MPV17: variants seen among roughly 807,000 people sequenced by gnomAD.
MPV17 encodes MPV17, mitochondrial inner membrane protein.
In MPV17, 31 loss-of-function variants were observed where a neutral mutation model predicts 28.6. The ratio of observed to expected loss-of-function variants is 1.08; its 90% confidence interval spans 0.81 to 1.46. The LOEUF (loss-of-function observed/expected upper bound fraction) is 1.46. Ranked by LOEUF, MPV17 falls within the 40% of genes most tolerant of loss-of-function variation. The probability of loss-of-function intolerance (pLI) is 0.00; values close to 1 mark genes in which losing one functional copy is unlikely to be tolerated. For synonymous variants in MPV17, 87 were observed against 85.3 expected (o/e 1.02, Z -0.11); for missense variants, 198 against 216.2 (o/e 0.92, Z 0.53).
chr2:27,315,919 G>T, intron 2 of MPV17: 1 of 1,441,608 alleles, frequency 6.9e-7, no homozygotes, highest in Non-Finnish European at 9.1e-7. Flanking sequence ...AAGGAGTGCA[G>T]TTGGAACTGA....
At chr2:27,314,436 C>T (rs1201501259) in intron 2 of MPV17, among the ~76,000 whole-genome samples, 2 of 152,180 alleles carry the variant, frequency 1.3e-5, no homozygotes, top group East Asian at 3.8e-4. Context: ...CCTCTTAGCA[C>T]AATCAGCTAA....
chr2:27,320,364 T>C (rs1181745047), intron 2 of MPV17, among the ~76,000 whole-genome samples: 1 of 151,818 alleles, frequency 6.6e-6, no homozygotes, highest in African/African-American at 2.4e-5. Context: ...GAGATGGAGT[T>C]TCGCTCTTGT....
At chr2:27,314,104 T>C (rs1421461727) in intron 2 of MPV17, among the ~76,000 whole-genome samples, 1 of 152,164 alleles carries the variant, frequency 6.6e-6, no homozygotes, top group African/African-American at 2.4e-5. Context: ...GCAGGAGGAT[T>C]GCTTGAGCCC....
chr2:27,309,619 G>A lies in MPV17; in HGVS notation c.*293C>T. 1 of 591,824 alleles carries A rather than the reference G, an allele frequency of 1.7e-6. No homozygotes were observed. The highest frequency in any genetic ancestry group is 2.0e-5 in the South Asian group (1 of 49,688). 36.7% of individuals were successfully genotyped at this position (591,824 alleles called of 1,614,324 possible). On this transcript the variant is annotated 3_prime_UTR_variant, in exon 8 of 8. Transcript: ENST00000380044. ...GTAACAAATGTGTCTATGAAGAGTG[G>A]GGATGAGTGGCATTTGCTGGGATAT...
At position 27,309,804 on chromosome 2, in the gene MPV17, G is replaced by C. The variant is rs181227313; in HGVS notation, c.*108C>G. 1.1e-6 allele frequency: 1 copy of C among 881,350 alleles called. No homozygotes were observed. The highest frequency in any genetic ancestry group is 1.9e-6 in the Non-Finnish European group (1 of 528,076). The allele number at this position is 881,350 out of a possible 1,614,324, so 54.6% of individuals were successfully genotyped here. A position where few individuals can be genotyped will look rare whatever the true frequency, so the allele number is the denominator to read the frequency against. On this transcript the variant is annotated 3_prime_UTR_variant, in exon 8 of 8. Transcript: ENST00000380044. The stretch of plus-strand genomic sequence containing the variant: ...GTGCTAGTCCTCTTAAGCTCTGACC[G>C]GCAACCCAACCCCGTGGAAACTGGT...
Position 27,317,041 on chromosome 2 carries a change from A to T in MPV17, c.71-3932T>A. 1 of 1,522,838 alleles carries T rather than the reference A, an allele frequency of 6.6e-7. No homozygotes were observed. Among genetic ancestry groups the T allele is most frequent in the African/African-American group, 1.4e-5 (1 of 72,430 alleles). The allele number at this position is 1,522,838 out of a possible 1,614,324, so 94.3% of individuals were successfully genotyped here. ...CCCTCTTCCCGGGCATGGGCAGGGT[A>T]AATTCCCTACTTCTCCTATTTTGTT... is the stretch of plus-strand genomic sequence containing the variant. On this transcript the variant is annotated intron_variant, in intron 2 of 7. Coordinates refer to ENST00000380044, the MANE Select transcript of MPV17 (RefSeq NM_002437.5). This position sits in a 1 kb window ranked among gnomAD's most constrained non-coding sequence, Gnocchi z 4.0.
intron 1 of MPV17, 98 bp from the exon 2 acceptor site, chr2:27,322,620 A>G: frequency 2.1e-6 from 2 of 965,288 alleles, no homozygotes; most frequent in Non-Finnish European, 3.3e-6. Flanking sequence ...TCCCCTTCCC[A>G]CTTCCAATGT....
At chr2:27,312,304 C>T (rs938889725) in intron 5 of MPV17, 58 bp from the exon 6 acceptor site, 44 of 1,574,644 alleles carry the variant, frequency 2.8e-5, no homozygotes, top group Non-Finnish European at 3.6e-5. Flanking sequence ...CTCCCACTTC[C>T]CAGTATGAAT....
chr2:27,311,102 G>GGCTGAAAT (rs2148213754), intron 7 of MPV17: 1 of 122,594 alleles, frequency 8.2e-6, no homozygotes, highest in Admixed American at 1.1e-4. Flanking sequence ...TCTGTCACCA[G>GGCTGAAAT]GCTGAAATGC....
At chr2:27,314,768 T>C (rs1679588531) in intron 2 of MPV17, among the ~76,000 whole-genome samples, 2 of 152,186 alleles carry the variant, frequency 1.3e-5, no homozygotes, top group African/African-American at 4.8e-5. Flanking sequence ...AGTCACACTG[T>C]CCCTGTGCCC....
chr2:27,310,831 G>A (rs887720316), intron 7 of MPV17, among the ~76,000 whole-genome samples: 13 of 151,802 alleles, frequency 8.6e-5, no homozygotes, highest in Admixed American at 2.0e-4. Context: ...TGCAACCTCC[G>A]CCTCCCAGGT....
intron 7 of MPV17, among the ~76,000 whole-genome samples, chr2:27,310,331 A>C (rs561304509): frequency 5.2e-4 from 79 of 152,138 alleles, no homozygotes; most frequent in South Asian, 1.7e-3. Flanking sequence ...CCTGACCTCA[A>C]GTGAGCCACC....
intron 7 of MPV17, among the ~76,000 whole-genome samples, chr2:27,310,569 C>T (rs1357874822): frequency 6.6e-6 from 1 of 152,168 alleles, no homozygotes; most frequent in Non-Finnish European, 1.5e-5. Context: ...TATCTGGGCC[C>T]CTTCTAAGTT....
chr2:27,322,649 C>A, intron 1 of MPV17, 127 bp from the exon 2 acceptor site: 1 of 747,234 alleles, frequency 1.3e-6, no homozygotes, highest in South Asian at 1.5e-5. Context: ...GGGGCAGAGG[C>A]CACATGAAGG....
In MPV17 at chr2:27,312,255, A is replaced by G; in HGVS notation, c.376-9T>C. The G allele has an allele frequency of 6.2e-7, 1 of 1,614,020 alleles. No homozygotes were observed. Among genetic ancestry groups the G allele is most frequent in the Non-Finnish European group, 8.5e-7 (1 of 1,179,860 alleles). On this transcript the variant is annotated splice_polypyrimidine_tract_variant and intron_variant, in intron 5 of 7. Transcript: ENST00000380044. ...AGGGCATCAGGATAATCCTGGGGAG[A>G]CAGAGAAGGAACAAATTAACACTTG...
rs1003132414 is a variant in MPV17 at position 27,312,021 on chromosome 2, C to A, written c.409-70G>T. ...ACCCCAGACTCACTGTCTTGCCTGG[C>A]CCTACCCCAACTTCTGCACACAAGA... is the stretch of plus-strand genomic sequence containing the variant. On this transcript the variant is annotated intron_variant, in intron 6 of 7. Coordinates refer to ENST00000380044, the MANE Select transcript of MPV17 (RefSeq NM_002437.5). The A allele has an allele frequency of 2.4e-5, 37 of 1,572,014 alleles. No homozygotes were observed. In the Admixed American group the frequency reaches 6.0e-4, roughly 25 times the overall value.
At chr2:27,322,385 G>T in intron 2 of MPV17, 63 bp downstream of exon 2, 2 of 1,415,220 alleles carry the variant, frequency 1.4e-6, no homozygotes, top group Non-Finnish European at 1.0e-6. Flanking sequence ...GTGCAGTGGG[G>T]CAAGCCTCTG....
intron 2 of MPV17, 71 bp downstream of exon 2, chr2:27,322,377 G>T: frequency 8.1e-7 from 1 of 1,241,744 alleles, no homozygotes. Flanking sequence ...TGAGGGTGGT[G>T]CAGTGGGGCA....
At chr2:27,321,362 A>G (rs1330650081) in intron 2 of MPV17, among the ~76,000 whole-genome samples, 1 of 152,190 alleles carries the variant, frequency 6.6e-6, no homozygotes, top group African/African-American at 2.4e-5. Context: ...GGGCCCAGGG[A>G]AGGGCCAAAG....
Sources: gnomAD v4.1 joint callset for allele counts (sites outside exome capture counted in the v4.1 genomes callset) on GRCh38, gnomAD v4.1.1 for gene constraint, Gnocchi (gnomAD v3.1) non-coding constraint, MANE v1.5 for transcripts, NCBI Gene and HGNC (gene_info 2026-07-23, HGNC 2026-07-21) for gene names.